CIMIP4: variants seen among roughly 807,000 people sequenced by gnomAD.
The protein encoded by CIMIP4 is protein EAN57.
At chr22:37,006,397 A>T in the CIMIP4 span, among the ~76,000 whole-genome samples, 2 of 152,226 alleles carry the variant, frequency 1.3e-5, no homozygotes, top group Non-Finnish European at 2.9e-5. Context: ...GCTATGGAAC[A>T]TTGACTCCAT....
the CIMIP4 span, among the ~76,000 whole-genome samples, chr22:36,992,196 A>G: frequency 6.6e-6 from 1 of 152,136 alleles, no homozygotes. Flanking sequence ...AAAATACAAA[A>G]ATTAGCTGGG....
At chr22:37,001,429 G>T in the CIMIP4 span, among the ~76,000 whole-genome samples, 1 of 151,990 alleles carries the variant, frequency 6.6e-6, no homozygotes, top group East Asian at 1.9e-4. Context: ...TCCACTAAAT[G>T]CTGTCTTCTT....
the CIMIP4 span, among the ~76,000 whole-genome samples, chr22:37,000,964 C>A: frequency 1.3e-5 from 2 of 152,108 alleles, no homozygotes; most frequent in Non-Finnish European, 2.9e-5. Context: ...CCAAGCAGAT[C>A]GTAGCCCCTC....
At chr22:36,993,568 C>CAA in the CIMIP4 span, among the ~76,000 whole-genome samples, 257 of 146,180 alleles carry the variant, frequency 1.8e-3, 1 homozygote, top group Admixed American at 5.7e-3. Flanking sequence ...ACTAAAAATA[C>CAA]AAAAAAAAAA....
chr22:37,004,122 T>C, the CIMIP4 span: 1 of 1,145,950 alleles, frequency 8.7e-7, no homozygotes, highest in Admixed American at 2.4e-5. Context: ...CCTGTGGCTG[T>C]CTGCCCGCCC....
the CIMIP4 span, chr22:36,991,692 G>T: frequency 1.0e-6 from 1 of 1,002,458 alleles, no homozygotes; most frequent in Non-Finnish European, 1.6e-6. Context: ...ATGGTAAATT[G>T]TGGAACGGAA....
the CIMIP4 span, chr22:36,999,880 G>T: frequency 6.2e-7 from 1 of 1,614,024 alleles, no homozygotes; most frequent in Non-Finnish European, 8.5e-7. Context: ...CGAGGTCATA[G>T]TAGTCTGAGA....
chr22:36,996,718 A>G, the CIMIP4 span, among the ~76,000 whole-genome samples: 1 of 152,312 alleles, frequency 6.6e-6, no homozygotes, highest in African/African-American at 2.4e-5. Context: ...GGGCCTAGAA[A>G]CCCAAGACAT....
At chr22:36,997,081 CTT>C in the CIMIP4 span, among the ~76,000 whole-genome samples, 6 of 152,342 alleles carry the variant, frequency 3.9e-5, no homozygotes, top group Non-Finnish European at 7.3e-5. Flanking sequence ...TCATCTCACT[CTT>C]TATACAGCTG....
At chr22:37,003,818 G>T in the CIMIP4 span, 2 of 640,090 alleles carry the variant, frequency 3.1e-6, no homozygotes, top group East Asian at 6.6e-5. Flanking sequence ...CCAACAGAAT[G>T]CCCCCCTAGG....
the CIMIP4 span, among the ~76,000 whole-genome samples, chr22:36,996,847 T>A: frequency 4.6e-5 from 7 of 152,216 alleles, no homozygotes; most frequent in Non-Finnish European, 1.5e-5. Flanking sequence ...GAATAGAGCC[T>A]GAAACTGATC....
chr22:36,994,274 T>C, the CIMIP4 span, among the ~76,000 whole-genome samples: 1 of 152,240 alleles, frequency 6.6e-6, no homozygotes, highest in Non-Finnish European at 1.5e-5. Context: ...AAGCCTGTTC[T>C]ATAGACAAAT....
At chr22:36,999,858 G>A in the CIMIP4 span, 112 of 1,613,322 alleles carry the variant, frequency 6.9e-5, no homozygotes, top group Admixed American at 3.0e-4. Context: ...AAGTTTGACC[G>A]CATGTTGTAG....
the CIMIP4 span, among the ~76,000 whole-genome samples, chr22:37,000,772 G>A: frequency 6.6e-6 from 1 of 152,182 alleles, no homozygotes; most frequent in South Asian, 2.1e-4. Flanking sequence ...TCCCAAGGCT[G>A]GGCAGGGTGG....
chr22:36,992,173 C>A, the CIMIP4 span, among the ~76,000 whole-genome samples: 1 of 152,042 alleles, frequency 6.6e-6, no homozygotes, highest in Non-Finnish European at 1.5e-5. Flanking sequence ...ATGGTGAAAC[C>A]CCGTCTCTAC....
the CIMIP4 span, among the ~76,000 whole-genome samples, chr22:36,992,564 G>A: frequency 6.6e-6 from 1 of 152,200 alleles, no homozygotes; most frequent in Non-Finnish European, 1.5e-5. Flanking sequence ...AATCTTGGGT[G>A]GGAGTGGATG....
chr22:36,994,876 C>T, the CIMIP4 span, among the ~76,000 whole-genome samples: 10 of 151,986 alleles, frequency 6.6e-5, no homozygotes, highest in African/African-American at 1.9e-4. Flanking sequence ...ATGATCCACC[C>T]GCCTCGGCCT....
chr22:36,998,034 A>G, the CIMIP4 span, among the ~76,000 whole-genome samples: 28 of 152,358 alleles, frequency 1.8e-4, no homozygotes, highest in African/African-American at 6.3e-4. Context: ...GTCAGTTCAG[A>G]GAGACAATTG....
At chr22:37,002,648 T>C in the CIMIP4 span, among the ~76,000 whole-genome samples, 1 of 152,198 alleles carries the variant, frequency 6.6e-6, no homozygotes, top group East Asian at 1.9e-4. Context: ...TTGGCCTGTC[T>C]GTGCTTTCAT....
Sources: gnomAD v4.1 joint callset for allele counts (sites outside exome capture counted in the v4.1 genomes callset) on GRCh38, gnomAD v4.1.1 for gene constraint, MANE v1.5 for transcripts, NCBI Gene and HGNC (gene_info 2026-07-23, HGNC 2026-07-21) for gene names.